GSAP: variants seen among roughly 807,000 people sequenced by gnomAD.
The protein encoded by GSAP is gamma-secretase activating protein.
GSAP carries 118 observed loss-of-function variants against 131.7 expected under a neutral mutation model. The ratio of observed to expected loss-of-function variants is 0.90; its 90% CI spans 0.77 to 1.04. The LOEUF is 1.04. Ranked by LOEUF, GSAP falls within the 50% of genes least tolerant of loss-of-function variation. The probability of loss-of-function intolerance (pLI) is 0.00; values close to 1 mark genes in which losing one functional copy is unlikely to be tolerated. For missense variants in GSAP, 1,019 were observed against 1,013.2 expected (o/e 1.01, Z -0.08); for synonymous variants, 381 against 363.4 (o/e 1.05, Z -0.55).
chr7:77,317,001 GTCA>G (rs1231109345), intron 26 of GSAP, among the ~76,000 whole-genome samples: 2 of 152,042 alleles, frequency 1.3e-5, no homozygotes, highest in African/African-American at 4.8e-5. Flanking sequence ...AACTCAAACA[GTCA>G]TCATTAGTCC....
chr7:77,377,237 T>TGTAAAA, intron 9 of GSAP, 49 bp downstream of exon 9: 1 of 891,782 alleles, frequency 1.1e-6, no homozygotes. Context: ...AATATTTTTG[T>TGTAAAA]AAAAAAAAAA....
intron 14 of GSAP, 139 bp from the exon 15 acceptor site, chr7:77,355,786 C>CTTTTTT: frequency 2.0e-5 from 6 of 305,314 alleles, no homozygotes; most frequent in South Asian, 5.0e-5. Flanking sequence ...AATGACAGCC[C>CTTTTTT]GTTTTTTTTT....
At chr7:77,415,008 T>C (rs773457390) in intron 1 of GSAP, among the ~76,000 whole-genome samples, 10 of 151,970 alleles carry the variant, frequency 6.6e-5, no homozygotes, top group East Asian at 1.9e-4. Context: ...CAGGAGCGTG[T>C]CACCACGCCC....
chr7:77,311,778 T>C (rs994088593), intron 30 of GSAP, 63 bp downstream of exon 30: 44 of 805,992 alleles, frequency 5.5e-5, no homozygotes, highest in Non-Finnish European at 8.7e-5. Context: ...AAGAAGTGAA[T>C]AGGGAAGGAC....
At chr7:77,412,448 A>G (rs1386279517) in intron 1 of GSAP, among the ~76,000 whole-genome samples, 1 of 152,174 alleles carries the variant, frequency 6.6e-6, no homozygotes, top group Non-Finnish European at 1.5e-5. Context: ...CGACTTCAAA[A>G]CAGGGAGGAT....
At chr7:77,358,734 GT>G (rs1563021431) in intron 14 of GSAP, among the ~76,000 whole-genome samples, 1 of 152,140 alleles carries the variant, frequency 6.6e-6, no homozygotes, top group African/African-American at 2.4e-5. Flanking sequence ...GTTGCATACC[GT>G]TTGGGTGACT....
At chr7:77,389,644 T>C (rs1799151107) in intron 5 of GSAP, among the ~76,000 whole-genome samples, 1 of 152,198 alleles carries the variant, frequency 6.6e-6, no homozygotes, top group South Asian at 2.1e-4. Flanking sequence ...TAGTATTCCA[T>C]GGTGTATATG....
At chr7:77,357,309 C>A (rs1203552047) in intron 14 of GSAP, among the ~76,000 whole-genome samples, 1 of 152,154 alleles carries the variant, frequency 6.6e-6, no homozygotes, top group African/African-American at 2.4e-5. Flanking sequence ...TGAAGATATG[C>A]ACGTGCTAAT....
chr7:77,377,258 A>AAAAAAAAAAAAAAAAAAATG, intron 9 of GSAP, 28 bp downstream of exon 9: 5 of 1,400,734 alleles, frequency 3.6e-6, no homozygotes, highest in Non-Finnish European at 4.7e-6. Context: ...AAAAAAAAAA[A>AAAAAAAAAAAAAAAAAAATG]GGAGTGCCCG....
chr7:77,369,857 C>G (rs571392960), intron 12 of GSAP, among the ~76,000 whole-genome samples: 1 of 151,936 alleles, frequency 6.6e-6, no homozygotes, highest in South Asian at 2.1e-4. Context: ...GGTTGCTTCT[C>G]TGGCTTGTTT....
At chr7:77,347,488 GAAGTGTTTTT>G (rs969597549) in intron 19 of GSAP, among the ~76,000 whole-genome samples, 4 of 152,120 alleles carry the variant, frequency 2.6e-5, no homozygotes, top group Non-Finnish European at 5.9e-5. Context: ...TTTGGTAACA[GAAGTGTTTTT>G]CTGTGTTGAT....
At chr7:77,378,519 AC>A (rs1797317379) in intron 8 of GSAP, among the ~76,000 whole-genome samples, 1 of 148,868 alleles carries the variant, frequency 6.7e-6, no homozygotes, top group African/African-American at 2.6e-5. Context: ...ACAAAAAACA[AC>A]AAAAAAAAAC....
intron 11 of GSAP, among the ~76,000 whole-genome samples, 165 bp downstream of exon 11, chr7:77,374,892 GT>G (rs1378008787): frequency 6.6e-6 from 1 of 152,160 alleles, no homozygotes; most frequent in Admixed American, 6.5e-5. Flanking sequence ...CTGGGTTCAT[GT>G]TTGATAAAGT....
At chr7:77,317,473 C>G (rs1584216793) in intron 26 of GSAP, among the ~76,000 whole-genome samples, 1 of 152,096 alleles carries the variant, frequency 6.6e-6, no homozygotes, top group South Asian at 2.1e-4. Flanking sequence ...ACATGTATAC[C>G]TATGTTACAA....
chr7:77,399,037 CT>C (rs1279457027), intron 3 of GSAP, among the ~76,000 whole-genome samples: 1 of 152,158 alleles, frequency 6.6e-6, no homozygotes, highest in African/African-American at 2.4e-5. Context: ...CAAAAACTTA[CT>C]GATGGGCATT....
intron 1 of GSAP, among the ~76,000 whole-genome samples, chr7:77,413,691 TAAAGTC>T (rs1287448375): frequency 1.3e-5 from 2 of 152,060 alleles, no homozygotes; most frequent in Non-Finnish European, 2.9e-5. Flanking sequence ...AAACTACAAA[TAAAGTC>T]AAAGTAATGT....
chr7:77,400,368 A>C (rs1288666586), intron 3 of GSAP, among the ~76,000 whole-genome samples: 1 of 151,992 alleles, frequency 6.6e-6, no homozygotes, highest in Non-Finnish European at 1.5e-5. Context: ...TGGGAAACCA[A>C]AACTTTCACT....
At chr7:77,336,029 C>G (rs1333165463) in intron 19 of GSAP, among the ~76,000 whole-genome samples, 1 of 152,222 alleles carries the variant, frequency 6.6e-6, no homozygotes, top group Non-Finnish European at 1.5e-5. Flanking sequence ...ATGACCAGAA[C>G]TCCTGAGGCT....
chr7:77,386,896 A>G (rs1056909155), intron 6 of GSAP, among the ~76,000 whole-genome samples: 2 of 152,252 alleles, frequency 1.3e-5, no homozygotes, highest in African/African-American at 4.8e-5. Context: ...TTTAGGGGTT[A>G]CAAATAAATT....
Sources: gnomAD v4.1 joint callset for allele counts (sites outside exome capture counted in the v4.1 genomes callset) on GRCh38, gnomAD v4.1.1 for gene constraint, MANE v1.5 for transcripts, NCBI Gene and HGNC (gene_info 2026-07-23, HGNC 2026-07-21) for gene names.